PCDH15: variants seen among roughly 807,000 people sequenced by gnomAD.
PCDH15 encodes protocadherin-15.
Under a neutral mutation model 178.5 loss-of-function variants are expected in PCDH15, and 129 were observed. That is an observed-to-expected ratio of 0.72 (90% confidence interval 0.63 to 0.84). The LOEUF (loss-of-function observed/expected upper bound fraction) is 0.84, where lower values mean the gene tolerates loss of function less well. Among genes scored for constraint, PCDH15 ranks in the 40% least tolerant of loss-of-function variants. The probability of loss-of-function intolerance (pLI) is 0.00; values close to 1 mark genes in which losing one functional copy is unlikely to be tolerated. For synonymous variants in PCDH15, 800 were observed against 732.0 expected (o/e 1.09, Z -1.50); for missense variants, 2,230 against 2,099.9 (o/e 1.06, Z -1.21).
At chr10:53,809,526 T>TTTAA in intron 37 of PCDH15, 1 of 1,607,016 alleles carries the variant, frequency 6.2e-7, no homozygotes, top group Non-Finnish European at 8.5e-7. Context: ...CCTTTGGTTT[T>TTTAA]TTAATTTTCT....
chr10:54,591,864 A>G (rs11004396), intron 2 of PCDH15, among the ~76,000 whole-genome samples: 5,353 of 152,222 alleles, frequency 0.035, 316 homozygotes, highest in African/African-American at 0.12. Context: ...CTGTCATTAC[A>G]ATCTGATAAA....
chr10:54,537,013 T>G (rs2084622882), intron 2 of PCDH15, among the ~76,000 whole-genome samples: 2 of 144,946 alleles, frequency 1.4e-5, no homozygotes, highest in Non-Finnish European at 3.0e-5. Flanking sequence ...TTTTTTTTTT[T>G]TTTTTGAGAC....
intron 2 of PCDH15, among the ~76,000 whole-genome samples, chr10:55,443,375 T>C (rs543715819): frequency 2.6e-5 from 4 of 152,232 alleles, no homozygotes; most frequent in East Asian, 3.9e-4. Flanking sequence ...GAGAAAATTT[T>C]TGAAATCTAT....
chr10:55,339,459 G>A (rs1390948399), intron 2 of PCDH15, among the ~76,000 whole-genome samples: 2 of 151,970 alleles, frequency 1.3e-5, no homozygotes, highest in East Asian at 3.9e-4. Flanking sequence ...ATAAAACAAT[G>A]CATTTTAACA....
intron 2 of PCDH15, among the ~76,000 whole-genome samples, chr10:55,537,439 T>TATGTATG (rs375430534): frequency 1.6e-3 from 194 of 123,928 alleles, no homozygotes; most frequent in South Asian, 6.1e-3. Context: ...ATGTATGTAT[T>TATGTATG]TATTTATTTA....
intron 2 of PCDH15, among the ~76,000 whole-genome samples, chr10:55,103,267 A>G (rs1320555132): frequency 1.3e-5 from 2 of 152,174 alleles, no homozygotes; most frequent in East Asian, 3.9e-4. Flanking sequence ...CACTTCTGCC[A>G]TTGTCTAATA....
At chr10:53,943,356 GTCCCAGCT>G (rs774905850) in intron 23 of PCDH15, among the ~76,000 whole-genome samples, 1 of 151,862 alleles carries the variant, frequency 6.6e-6, no homozygotes, top group South Asian at 2.1e-4. Context: ...TGCTCCTATA[GTCCCAGCT>G]ACTCGGGAGG....
chr10:54,542,727 G>A (rs866837616), intron 2 of PCDH15, among the ~76,000 whole-genome samples: 6 of 152,082 alleles, frequency 3.9e-5, no homozygotes, highest in Admixed American at 6.5e-5. Context: ...AGGGAAGAGC[G>A]TGGTCCCTTT....
chr10:54,802,274 A>T (rs1189661090), upstream of PCDH15, among the ~76,000 whole-genome samples: 1 of 152,236 alleles, frequency 6.6e-6, no homozygotes, highest in Non-Finnish European at 1.5e-5. Context: ...AGAAAATAAC[A>T]TCTCATTTAA....
intron 1 of PCDH15, among the ~76,000 whole-genome samples, chr10:54,797,130 A>G (rs2133652079): frequency 6.6e-6 from 1 of 152,084 alleles, no homozygotes; most frequent in South Asian, 2.1e-4. Flanking sequence ...TTGCCCTTTC[A>G]CTAGGCATGA....
intron 1 of PCDH15, among the ~76,000 whole-genome samples, chr10:55,257,584 C>T (rs1842032955): frequency 6.6e-6 from 1 of 152,084 alleles, no homozygotes; most frequent in African/African-American, 2.4e-5. Flanking sequence ...ATACACAAGC[C>T]TCAGTAGCTG....
chr10:54,339,666 G>A (rs746300347), intron 6 of PCDH15, among the ~76,000 whole-genome samples: 2 of 152,018 alleles, frequency 1.3e-5, no homozygotes, highest in Non-Finnish European at 2.9e-5. Flanking sequence ...CTTCTCCTAG[G>A]CTCATCTGTA....
At chr10:53,983,705 T>G (rs2090863482) in intron 21 of PCDH15, among the ~76,000 whole-genome samples, 2 of 152,210 alleles carry the variant, frequency 1.3e-5, no homozygotes, top group South Asian at 4.1e-4. Flanking sequence ...ATTTATTTAT[T>G]TAAACACAGT....
At chr10:54,152,828 A>C (rs2044673585) in intron 14 of PCDH15, among the ~76,000 whole-genome samples, 1 of 152,102 alleles carries the variant, frequency 6.6e-6, no homozygotes, top group Admixed American at 6.6e-5. Flanking sequence ...TGCCACTGAC[A>C]CATCTGTTAA....
At chr10:54,646,595 A>G (rs531675161) in intron 2 of PCDH15, among the ~76,000 whole-genome samples, 5 of 152,268 alleles carry the variant, frequency 3.3e-5, no homozygotes, top group South Asian at 2.1e-4. Context: ...TTAAAATACA[A>G]TGATTAAGAG....
chr10:55,276,680 A>G (rs2132253012), intron 1 of PCDH15, among the ~76,000 whole-genome samples: 1 of 151,916 alleles, frequency 6.6e-6, no homozygotes, highest in Non-Finnish European at 1.5e-5. Context: ...TATAAAATTT[A>G]CCTAATTTTT....
At chr10:54,855,971 G>GT (rs1020338219) in intron 3 of PCDH15, among the ~76,000 whole-genome samples, 2 of 152,120 alleles carry the variant, frequency 1.3e-5, no homozygotes, top group Admixed American at 6.6e-5. Context: ...CAAAGAGGGT[G>GT]TTTTTTCATA....
At chr10:55,127,715 T>G (rs1261187158) in intron 2 of PCDH15, among the ~76,000 whole-genome samples, 4 of 152,052 alleles carry the variant, frequency 2.6e-5, no homozygotes, top group Admixed American at 1.3e-4. Flanking sequence ...TGTAATCAAT[T>G]GAGAAAATCA....
chr10:55,432,191 T>C (rs1838898685), intron 2 of PCDH15, among the ~76,000 whole-genome samples: 1 of 151,954 alleles, frequency 6.6e-6, no homozygotes, highest in Non-Finnish European at 1.5e-5. Flanking sequence ...TGGAAGAAAG[T>C]AAAGGACAAG....
Sources: allele counts gnomAD v4.1 joint callset (sites outside exome capture counted in the v4.1 genomes callset), GRCh38; gene constraint gnomAD v4.1.1; transcripts MANE v1.5; gene names NCBI Gene and HGNC (gene_info 2026-07-23, HGNC 2026-07-21).